The following RHAG variants were observed in gnomAD, a reference collection of about 807,000 sequenced individuals.
The protein encoded by RHAG is ammonium transporter Rh type A.
Under a neutral mutation model 42.4 loss-of-function variants are expected in RHAG, and 25 were observed. The observed-to-expected ratio is 0.59, with a 90% CI of 0.43 to 0.82. RHAG has a LOEUF of 0.82. RHAG is among the 40% of genes least tolerant of loss of function. RHAG has a pLI of 0.00. For synonymous variants in RHAG, 182 were observed against 177.7 expected (o/e 1.02, Z -0.19); for missense variants, 483 against 504.6 (o/e 0.96, Z 0.41).
Position 49,605,497 on chromosome 6 carries a change from C to A in RHAG, c.*316G>T. 2.4e-6 allele frequency: 1 copy of A among 411,206 alleles called. No individual in the cohort carries two copies. Among genetic ancestry groups the A allele is most frequent in the Non-Finnish European group, 4.5e-6 (1 of 221,758 alleles). 25.5% of individuals were successfully genotyped at this position (411,206 alleles called of 1,614,324 possible). Reference sequence around the variant, plus strand: ...CTACATTAAGAAACTGACATGTTTACTCTGTATTTACTCACTGCCAAAAGC... The same window carrying A: ...CTACATTAAGAAACTGACATGTTTAATCTGTATTTACTCACTGCCAAAAGC... On this transcript the variant is annotated 3_prime_UTR_variant, in exon 10 of 10. Transcript: ENST00000371175.
intron 9 of RHAG, 95 bp from the exon 10 acceptor site, chr6:49,605,925 T>C: frequency 1.9e-6 from 2 of 1,053,120 alleles, no homozygotes; most frequent in East Asian, 2.4e-5. Context: ...GTAATTATTA[T>C]TCAAGCTTGG....
chr6:49,626,712 G>T (rs965529687), intron 1 of RHAG, among the ~76,000 whole-genome samples: 6 of 152,176 alleles, frequency 3.9e-5, no homozygotes, highest in African/African-American at 1.4e-4. Context: ...CTTCTGCACT[G>T]CCCTAGCAGA....
chr6:49,619,323 C>A lies in RHAG; in HGVS notation c.197G>T (p.Gly66Val), dbSNP rs1375480500. Residue 66 changes from glycine (G) to valine (V), a missense_variant, in exon 2 of 10, where the codon GGC (glycine) becomes GTC (valine). Gly to Val is a moderately radical substitution (Grantham distance 109). Coordinates refer to ENST00000371175, the MANE Select transcript of RHAG (RefSeq NM_000324.3). ...DVHVMIFVGF[G>V]FLMTFLKKYG... ...TTTCTTCAGGAAGGTCATGAGGAAG[C>A]CAAACCCAACAAATATCATAACATG... is the stretch of plus-strand genomic sequence containing the variant. 2.5e-6 allele frequency: 4 copies of A among 1,613,924 alleles called. No individual in the cohort carries two copies. The highest frequency in any genetic ancestry group is 2.2e-5 in the East Asian group (1 of 44,880).
At chr6:49,614,328 G>C (rs559015747) in intron 5 of RHAG, among the ~76,000 whole-genome samples, 28 of 151,634 alleles carry the variant, frequency 1.8e-4, no homozygotes, top group Non-Finnish European at 3.8e-4. Context: ...GAGTAGCTGG[G>C]ATGACAGGTG....
At chr6:49,612,955 T>C (rs1020130402) in intron 5 of RHAG, among the ~76,000 whole-genome samples, 1 of 152,112 alleles carries the variant, frequency 6.6e-6, no homozygotes, top group African/African-American at 2.4e-5. Flanking sequence ...GATATTCTAA[T>C]ATTCAAAGAG....
chr6:49,617,687 G>A (rs2127353086), intron 3 of RHAG, among the ~76,000 whole-genome samples: 1 of 152,198 alleles, frequency 6.6e-6, no homozygotes, highest in Admixed American at 6.5e-5. Flanking sequence ...TGTTTTATAT[G>A]GGGCTATTCA....
intron 3 of RHAG, among the ~76,000 whole-genome samples, chr6:49,617,119 T>C (rs1384023592): frequency 6.6e-6 from 1 of 152,212 alleles, no homozygotes; most frequent in Non-Finnish European, 1.5e-5. Context: ...CTCAAGTCTT[T>C]TCACCTTACT....
chr6:49,609,037 C>T (rs1472478861), intron 7 of RHAG, among the ~76,000 whole-genome samples: 3 of 152,024 alleles, frequency 2.0e-5, no homozygotes, highest in Admixed American at 2.0e-4. Context: ...AGTTATGCTG[C>T]TATAATTTGC....
Position 49,615,647 on chromosome 6 carries a change from T to C in RHAG, c.617A>G (p.Tyr206Cys), listed in dbSNP as rs1562014252. Residue 206 changes from tyrosine to cysteine, a missense_variant, in exon 4 of 10, where the codon TAC becomes TGC. Coordinates refer to ENST00000371175, the MANE Select transcript of RHAG (RefSeq NM_000324.3). ...ACCAATCATTGCAAACAAGTCTGAG[T>C]AGTATGCGGACTCTTCATTTTCATG... ...KGHENEESAY[Y>C]SDLFAMIGTL... The C allele has an allele frequency of 1.9e-6, 3 of 1,614,036 alleles. No homozygotes were observed. Among genetic ancestry groups the C allele is most frequent in the African/African-American group, 1.3e-5 (1 of 74,996 alleles).
At chr6:49,634,299 A>C (rs979070815) in intron 1 of RHAG, among the ~76,000 whole-genome samples, 1 of 152,032 alleles carries the variant, frequency 6.6e-6, no homozygotes, top group Non-Finnish European at 1.5e-5. Context: ...CACCCTTCCC[A>C]ATATCTAGTA....
In RHAG at chr6:49,614,937, C is replaced by T. The variant is rs1003516353; in HGVS notation, c.641-84G>A. The T allele has an allele frequency of 2.4e-6, 3 of 1,242,342 alleles. No homozygotes were observed. The South Asian group carries it at 3.9e-5, about 16-fold the overall frequency. 77.0% of individuals were successfully genotyped at this position (1,242,342 alleles called of 1,614,324 possible). ...GCAGTTTGCTTTATTTATTTATTTA[C>T]TTATTTATTTGTTTATTTATTTATT... On this transcript the variant is annotated intron_variant, in intron 4 of 9. Coordinates refer to ENST00000371175, the MANE Select transcript of RHAG (RefSeq NM_000324.3).
chr6:49,624,017 C>T (rs1332335663), intron 1 of RHAG, among the ~76,000 whole-genome samples: 2 of 151,990 alleles, frequency 1.3e-5, no homozygotes, highest in African/African-American at 4.8e-5. Flanking sequence ...GAGATCATAG[C>T]AACTCAGTGT....
chr6:49,610,265 T>A (rs1762552164), intron 7 of RHAG, among the ~76,000 whole-genome samples: 1 of 152,220 alleles, frequency 6.6e-6, no homozygotes, highest in Admixed American at 6.5e-5. Flanking sequence ...ATTCTGATTT[T>A]TCTTAATTTA....
At position 49,605,583 on chromosome 6, in the gene RHAG, A is replaced by G; in HGVS notation, c.*230T>C. On this transcript the variant is annotated 3_prime_UTR_variant, in exon 10 of 10. Transcript: ENST00000371175. ...CTGTTTTATGAGTAACATCCCCTCA[A>G]TTAATCATTGAAGAGCAAGAGACAG... 1 of 617,682 alleles carries G rather than the reference A, an allele frequency of 1.6e-6. No individual in the cohort carries two copies. Among genetic ancestry groups the G allele is most frequent in the South Asian group, 1.7e-5 (1 of 57,216 alleles). 38.3% of individuals were successfully genotyped at this position (617,682 alleles called of 1,614,324 possible).
intron 1 of RHAG, among the ~76,000 whole-genome samples, chr6:49,626,558 G>A (rs1349508032): frequency 6.6e-6 from 1 of 152,170 alleles, no homozygotes; most frequent in Admixed American, 6.5e-5. Context: ...CTAGAGTTGA[G>A]TGTCTGTGGC....
At chr6:49,635,152 AC>A (rs1762991537) in intron 1 of RHAG, among the ~76,000 whole-genome samples, 1 of 151,446 alleles carries the variant, frequency 6.6e-6, no homozygotes, top group African/African-American at 2.4e-5. Context: ...CTGAAAAATG[AC>A]CATGTTTAGT....
intron 1 of RHAG, among the ~76,000 whole-genome samples, chr6:49,626,144 A>C (rs146469532): frequency 6.6e-6 from 1 of 152,292 alleles, no homozygotes; most frequent in African/African-American, 2.4e-5. Flanking sequence ...TTGCATTTCA[A>C]AACCAATCAT....
At chr6:49,628,654 G>A (rs1349302571) in intron 1 of RHAG, among the ~76,000 whole-genome samples, 1 of 151,456 alleles carries the variant, frequency 6.6e-6, no homozygotes, top group Non-Finnish European at 1.5e-5. Flanking sequence ...GTCTGGAGTT[G>A]TTCGTTCCTC....
At chr6:49,628,399 C>G (rs1481929036) in intron 1 of RHAG, among the ~76,000 whole-genome samples, 1 of 152,174 alleles carries the variant, frequency 6.6e-6, no homozygotes, top group Non-Finnish European at 1.5e-5. Context: ...CTTGCTTCAG[C>G]CTCCCAAAGT....
Sources: allele counts gnomAD v4.1 joint callset (sites outside exome capture counted in the v4.1 genomes callset), GRCh38; gene constraint gnomAD v4.1.1; transcripts MANE v1.5; gene names NCBI Gene and HGNC (gene_info 2026-07-23, HGNC 2026-07-21).